The following FOXP1 variants were observed in gnomAD, a reference collection of about 807,000 sequenced individuals.
The protein encoded by FOXP1 is forkhead box P1.
A neutral mutation model predicts 98.2 loss-of-function variants in FOXP1; 15 were observed. The observed-to-expected ratio is 0.15, with a 90% CI of 0.10 to 0.24. The LOEUF (loss-of-function observed/expected upper bound fraction) is 0.24. Ranked by LOEUF, FOXP1 falls within the 10% of genes least tolerant of loss-of-function variation. The pLI, the probability that FOXP1 is intolerant of heterozygous loss-of-function variation, is 1.00. For missense variants in FOXP1, 633 were observed against 848.5 expected, an observed-to-expected ratio of 0.75 and a Z score of 3.15; for synonymous variants, 371 against 314.5, an observed-to-expected ratio of 1.18 and a Z score of -1.90.
chr3:71,100,388 A>G (rs192952379), intron 7 of FOXP1, among the ~76,000 whole-genome samples: 242 of 152,222 alleles, frequency 1.6e-3, no homozygotes, highest in Non-Finnish European at 2.8e-3. Context: ...ATGTCTTATT[A>G]AAAGCAATTT....
At chr3:70,987,023 C>T (rs1559648169) in intron 14 of FOXP1, among the ~76,000 whole-genome samples, 1 of 152,188 alleles carries the variant, frequency 6.6e-6, no homozygotes, top group East Asian at 1.9e-4. Context: ...TGCCATTACG[C>T]TGCATCATTG....
rs1281127214 is a variant in FOXP1 at position 71,396,905 on chromosome 3, C to CAT, written c.-167-37663_-167-37662dup. On this transcript the variant is annotated intron_variant, in intron 3 of 20. Transcript: ENST00000649528. ...GGTTCAATGTATGAGTCATAAGGAACATATATATGTGTGTATATATATATA... is the reference window on the plus strand; with the variant it reads ...GGTTCAATGTATGAGTCATAAGGAACATATATATATGTGTGTATATATATATA... Among the ~76,000 whole-genome samples, 5 of 91,346 alleles carry CAT rather than the reference C, an allele frequency of 5.5e-5. 1 individual carries two copies. Among genetic ancestry groups the CAT allele is most frequent in the Non-Finnish European group, 9.4e-5 (4 of 42,700 alleles). The allele number at this position is 91,346 out of a possible 152,430, so 59.9% of individuals were successfully genotyped here.
At chr3:71,411,730 T>G (rs937218281) in intron 3 of FOXP1, among the ~76,000 whole-genome samples, 9 of 152,222 alleles carry the variant, frequency 5.9e-5, no homozygotes, top group African/African-American at 2.2e-4. Flanking sequence ...TCTGCTCCAG[T>G]GTGGCAGTGC....
chr3:71,469,796 T>G (rs1212706994), intron 3 of FOXP1, among the ~76,000 whole-genome samples: 1 of 152,190 alleles, frequency 6.6e-6, no homozygotes, highest in Non-Finnish European at 1.5e-5. Context: ...TGGAACTTTC[T>G]CAAATATCAG....
intron 2 of FOXP1, among the ~76,000 whole-genome samples, chr3:71,503,509 G>T (rs2041563720): frequency 6.7e-6 from 1 of 148,424 alleles, no homozygotes; most frequent in African/African-American, 2.5e-5. Context: ...GTTGAGACAG[G>T]AGAATCACTT....
At chr3:71,468,796 C>T (rs1437785089) in intron 3 of FOXP1, among the ~76,000 whole-genome samples, 1 of 152,170 alleles carries the variant, frequency 6.6e-6, no homozygotes, top group Admixed American at 6.5e-5. Flanking sequence ...CTTTTAAGAA[C>T]AGCACTTCAC....
intron 10 of FOXP1, among the ~76,000 whole-genome samples, chr3:71,042,041 T>C (rs947978234): frequency 4.6e-5 from 7 of 152,338 alleles, no homozygotes; most frequent in Non-Finnish European, 1.0e-4. Context: ...ATCGTCTTCC[T>C]GAAATGCTTT....
At chr3:71,382,020 G>A (rs534105482) in intron 3 of FOXP1, among the ~76,000 whole-genome samples, 3 of 152,294 alleles carry the variant, frequency 2.0e-5, no homozygotes, top group South Asian at 2.1e-4. Flanking sequence ...GCCTGTAAAT[G>A]CAATACTTCA....
intron 5 of FOXP1, among the ~76,000 whole-genome samples, chr3:71,205,268 T>G (rs1215707568): frequency 2.0e-5 from 3 of 152,186 alleles, no homozygotes; most frequent in African/African-American, 7.2e-5. Flanking sequence ...TTTCTTGTGG[T>G]ATAATTTAAA....
At chr3:71,196,006 C>T (rs2063277554) in intron 6 of FOXP1, among the ~76,000 whole-genome samples, 1 of 152,138 alleles carries the variant, frequency 6.6e-6, no homozygotes, top group African/African-American at 2.4e-5. Flanking sequence ...TTATCATATA[C>T]TTAGGGGAGT....
chr3:71,338,338 T>C (rs1303449217), intron 4 of FOXP1, among the ~76,000 whole-genome samples: 1 of 152,184 alleles, frequency 6.6e-6, no homozygotes, highest in Non-Finnish European at 1.5e-5. Context: ...AGAAAGTGGA[T>C]AATTATGAGG....
rs2089938402 is a variant in FOXP1, at chr3:71,477,382, T to C, written c.-168+16044A>G. On this transcript the variant is annotated intron_variant, in intron 3 of 20. Transcript: ENST00000649528. ...GTAAAACTCTCGTAATCAAATGCAA[T>C]TGAAGCATCATAAAATGAAAAGTCT... Among the ~76,000 whole-genome samples, 6 of 152,310 alleles carry C rather than the reference T, an allele frequency of 3.9e-5. No homozygotes were observed. In the South Asian group the frequency reaches 8.3e-4, roughly 21 times the overall value.
At chr3:70,967,371 AAC>A (rs1003581516) in intron 19 of FOXP1, among the ~76,000 whole-genome samples, 2 of 152,176 alleles carry the variant, frequency 1.3e-5, no homozygotes, top group African/African-American at 4.8e-5. Flanking sequence ...ACACTCACCA[AAC>A]ACAGCATTGG....
Position 71,345,871 on chromosome 3 carries a change from T to TAAAAAAAAAAAAAAAAAAAAAAAA in FOXP1, c.-73+13255_-73+13278dup, listed in dbSNP as rs71120316. Among the ~76,000 whole-genome samples the TAAAAAAAAAAAAAAAAAAAAAAAA allele has an allele frequency of 1.2e-3, 67 of 55,096 alleles. 5 individuals are homozygous for TAAAAAAAAAAAAAAAAAAAAAAAA. Among genetic ancestry groups the TAAAAAAAAAAAAAAAAAAAAAAAA allele is most frequent in the Non-Finnish European group, 1.9e-3 (55 of 29,648 alleles). 36.1% of individuals were successfully genotyped at this position (55,096 alleles called of 152,430 possible). ...AGGTTTGAAATCAATAAAGTTTTTG[T>TAAAAAAAAAAAAAAAAAAAAAAAA]AAAAAAAAAAAAAAAAAAAAAAAAA... is the stretch of plus-strand genomic sequence containing the variant. On this transcript the variant is annotated intron_variant, in intron 4 of 20. Transcript: ENST00000649528.
chr3:71,140,280 T>C (rs553831785), intron 6 of FOXP1, among the ~76,000 whole-genome samples: 1 of 152,308 alleles, frequency 6.6e-6, no homozygotes, highest in Non-Finnish European at 1.5e-5. Context: ...GAAGACAATC[T>C]GATACAAGAC....
chr3:71,383,708 C>G (rs1186960387), intron 3 of FOXP1, among the ~76,000 whole-genome samples: 1 of 152,108 alleles, frequency 6.6e-6, no homozygotes, highest in Non-Finnish European at 1.5e-5. Context: ...CTTGACACAT[C>G]GCTTGAAACA....
In FOXP1 at chr3:71,498,425, C is replaced by G. The variant is rs1295073076; in HGVS notation, c.-297-4870G>C. Among the ~76,000 whole-genome samples the G allele has an allele frequency of 2.0e-5, 3 of 152,284 alleles. No homozygotes were observed. The East Asian group carries it at 5.8e-4, about 29-fold the overall frequency. On this transcript the variant is annotated intron_variant, in intron 2 of 20. Coordinates refer to ENST00000649528, the MANE Select transcript of FOXP1 (RefSeq NM_001349338.3). Reference sequence around the variant, plus strand: ...ACCAGGAAAACAACAACAGCACAGACAGCATTTGCATCTATTTTTCAACCT... The same window carrying G: ...ACCAGGAAAACAACAACAGCACAGAGAGCATTTGCATCTATTTTTCAACCT...
At chr3:71,456,637 A>G (rs1441552183) in intron 3 of FOXP1, among the ~76,000 whole-genome samples, 1 of 152,150 alleles carries the variant, frequency 6.6e-6, no homozygotes, top group Non-Finnish European at 1.5e-5. Context: ...CTTGTCTGGA[A>G]GAGGAGGATA....
intron 3 of FOXP1, among the ~76,000 whole-genome samples, chr3:71,416,742 T>C (rs1391049240): frequency 2.0e-5 from 3 of 151,600 alleles, no homozygotes; most frequent in South Asian, 2.1e-4. Flanking sequence ...AGGAACTGCA[T>C]ATGCAAAGAC....
Sources: gnomAD v4.1 joint callset for allele counts (sites outside exome capture counted in the v4.1 genomes callset) on GRCh38, gnomAD v4.1.1 for gene constraint, MANE v1.5 for transcripts, NCBI Gene and HGNC (gene_info 2026-07-23, HGNC 2026-07-21) for gene names.